The following AGBL3 variants were observed in gnomAD, a reference collection of about 807,000 sequenced individuals.
The protein encoded by AGBL3 is AGBL carboxypeptidase 3, also known as cytosolic carboxypeptidase 3.
AGBL3 carries 68 observed loss-of-function variants against 94.5 expected under a neutral mutation model. That is an observed-to-expected ratio of 0.72 (90% CI 0.59 to 0.88). The LOEUF is 0.88. Among genes scored for constraint, AGBL3 ranks in the 40% least tolerant of loss-of-function variants. The pLI, the probability that AGBL3 is intolerant of heterozygous loss-of-function variation, is 0.00. For synonymous variants in AGBL3, 354 were observed against 370.7 expected, an observed-to-expected ratio of 0.95 and a Z score of 0.52; for missense variants, 934 against 1,103.8, an observed-to-expected ratio of 0.85 and a Z score of 2.18.
chr7:135,001,839 C>A (rs974440174), intron 4 of AGBL3, among the ~76,000 whole-genome samples: 2 of 152,186 alleles, frequency 1.3e-5, no homozygotes, highest in Non-Finnish European at 2.9e-5. Context: ...CACATAATAA[C>A]TGAGAGATTG....
rs1408009020 is a variant in AGBL3 at position 135,015,641 on chromosome 7, T to G, written c.311-1411T>G. 2.7e-5 allele frequency among the ~76,000 whole-genome samples: 4 copies of G among 147,992 alleles called. No individual in the cohort carries two copies. In the East Asian group the frequency reaches 7.9e-4, roughly 29 times the overall value. On this transcript the variant is annotated intron_variant, in intron 4 of 16. Transcript: ENST00000436302. The stretch of plus-strand genomic sequence containing the variant: ...TGGTTCTTTACTAGTTATTAATAAA[T>G]AAAGAAGAGCATAAGCAGAAATTAA...
intron 8 of AGBL3, among the ~76,000 whole-genome samples, chr7:135,042,020 T>C (rs1368935203): frequency 1.3e-5 from 2 of 152,082 alleles, no homozygotes; most frequent in East Asian, 1.9e-4. Flanking sequence ...ATACTGACAA[T>C]CCCAAGTTCT....
rs750731396 is a variant in AGBL3, at chr7:135,115,537, T to C, written c.2268T>C (p.His756=). The C allele has an allele frequency of 6.4e-7, 1 of 1,551,466 alleles. No homozygotes were observed. The highest frequency in any genetic ancestry group is 1.2e-5 in the South Asian group (1 of 84,056). ...EILQYLLPIV[H]STKNMQTTQI... is the part of the protein sequence containing the mutation. ...TGCAGTATTTGCTCCCCATCGTGCA[T>C]AGCACTAAAAACATGCAAACCACTC... is the stretch of plus-strand genomic sequence containing the variant. Residue 756 remains histidine (H), a synonymous_variant, in exon 16 of 17, where the codon CAT becomes CAC. Coordinates refer to ENST00000436302, the MANE Select transcript of AGBL3 (RefSeq NM_178563.4).
chr7:135,046,167 T>C (rs919528072), intron 11 of AGBL3, among the ~76,000 whole-genome samples: 12 of 152,146 alleles, frequency 7.9e-5, no homozygotes, highest in African/African-American at 2.9e-4. Context: ...TGTTTGGTTA[T>C]TGTTTTCGTT....
At position 135,080,868 on chromosome 7, in the gene AGBL3, G is replaced by GTATA. The variant is rs150587409; in HGVS notation, c.2038+620_2038+623dup. ...AATACCTAATTTTTTATGTGTGTGTGTATATATATATATATTAATTTATTG... is the reference window on the plus strand; with the variant it reads ...AATACCTAATTTTTTATGTGTGTGTGTATATATATATATATATATTAATTTATTG... On this transcript the variant is annotated intron_variant, in intron 14 of 16. Coordinates refer to ENST00000436302, the MANE Select transcript of AGBL3 (RefSeq NM_178563.4). Among the ~76,000 whole-genome samples, 844 of 146,312 alleles carry GTATA rather than the reference G, an allele frequency of 5.8e-3. 9 individuals carry two copies. Among genetic ancestry groups the GTATA allele is most frequent in the South Asian group, 0.013 (59 of 4,656 alleles).
chr7:135,070,372 T>C (rs9656450), intron 12 of AGBL3, among the ~76,000 whole-genome samples: 73,728 of 152,006 alleles, frequency 0.49, 18,246 homozygotes, highest in South Asian at 0.66. Flanking sequence ...CTAACTCATT[T>C]TATGAGGCCA....
chr7:135,021,791 G>A (rs923269412), intron 5 of AGBL3, among the ~76,000 whole-genome samples: 2 of 151,848 alleles, frequency 1.3e-5, no homozygotes, highest in African/African-American at 4.8e-5. Flanking sequence ...ATGTACATTA[G>A]CTGTTTGTCC....
chr7:135,045,600 A>G, intron 10 of AGBL3, 26 bp downstream of exon 10: 3 of 1,524,652 alleles, frequency 2.0e-6, no homozygotes, highest in Non-Finnish European at 2.7e-6. Flanking sequence ...TTGGTAATGC[A>G]TCAGACTCCA....
chr7:135,078,173 T>C (rs182332786), intron 13 of AGBL3, among the ~76,000 whole-genome samples: 132 of 152,350 alleles, frequency 8.7e-4, no homozygotes, highest in Non-Finnish European at 8.2e-4. Context: ...TGAAGAAGTT[T>C]GACTGGATTA....
At chr7:135,120,684 G>A (rs1490548024) in intron 16 of AGBL3, among the ~76,000 whole-genome samples, 4 of 152,128 alleles carry the variant, frequency 2.6e-5, no homozygotes, top group Non-Finnish European at 4.4e-5. Context: ...CCAACAATAT[G>A]CAGTCACAAG....
At chr7:135,059,065 TA>T in intron 11 of AGBL3, 103 bp from the exon 12 acceptor site, 1 of 931,704 alleles carries the variant, frequency 1.1e-6, no homozygotes, top group Non-Finnish European at 1.6e-6. Context: ...CCACTTCTTA[TA>T]ATTAGAACTT....
At chr7:135,059,061 C>T in intron 11 of AGBL3, 108 bp from the exon 12 acceptor site, 1 of 910,148 alleles carries the variant, frequency 1.1e-6, no homozygotes, top group Non-Finnish European at 1.7e-6. Flanking sequence ...CCGGCCACTT[C>T]TTATAATTAG....
intron 15 of AGBL3, among the ~76,000 whole-genome samples, chr7:135,087,966 T>C (rs10258130): frequency 0.48 from 73,640 of 151,868 alleles, 18,220 homozygotes; most frequent in South Asian, 0.66. Flanking sequence ...TCCCTTTAGA[T>C]CTAATAATAT....
At chr7:135,129,183 G>C in intron 16 of AGBL3, 1 of 1,423,074 alleles carries the variant, frequency 7.0e-7, no homozygotes. Flanking sequence ...GATGGCAGAT[G>C]TGGTGTACTG....
chr7:135,127,325 G>C (rs945854363), intron 16 of AGBL3, among the ~76,000 whole-genome samples: 1 of 151,654 alleles, frequency 6.6e-6, no homozygotes, highest in South Asian at 2.1e-4. Context: ...GGGAGGCCAG[G>C]GTGGGTGGAT....
At chr7:135,012,816 C>A (rs1813322541) in intron 4 of AGBL3, among the ~76,000 whole-genome samples, 1 of 151,932 alleles carries the variant, frequency 6.6e-6, no homozygotes, top group Non-Finnish European at 1.5e-5. Flanking sequence ...CTAAACGAAG[C>A]TATATATAAC....
intron 12 of AGBL3, among the ~76,000 whole-genome samples, chr7:135,070,429 G>C (rs1283381061): frequency 1.3e-5 from 2 of 152,084 alleles, no homozygotes; most frequent in Non-Finnish European, 2.9e-5. Context: ...CAAAAAAAGA[G>C]AATTTTAGAC....
Position 135,034,165 on chromosome 7 carries a change from C to T in AGBL3, c.574C>T (p.Gln192Ter). ...KVVKVAEYEY[Q>*]LTVRPDLFTN... ...GTGTATTAGGGCAGAATACGAATAC[C>T]AATTGACTGTACGCCCTGACCTCTT... The change falls in exon 7 of 17, where the codon CAA (glutamine) becomes TAA (stop). Residue 192 changes from glutamine to a stop codon, truncating the protein, a stop_gained. Coordinates refer to ENST00000436302, the MANE Select transcript of AGBL3 (RefSeq NM_178563.4). LOFTEE classifies it high-confidence loss of function. 1.3e-6 allele frequency: 2 copies of T among 1,547,628 alleles called. No individual in the cohort carries two copies. The highest frequency in any genetic ancestry group is 1.7e-6 in the Non-Finnish European group (2 of 1,144,832).
At chr7:135,121,707 A>C (rs1316247052) in intron 16 of AGBL3, among the ~76,000 whole-genome samples, 1 of 152,178 alleles carries the variant, frequency 6.6e-6, no homozygotes, top group African/African-American at 2.4e-5. Context: ...TAAGCAAGGT[A>C]TCCAGGTTCT....
Sources: allele counts gnomAD v4.1 joint callset (sites outside exome capture counted in the v4.1 genomes callset), GRCh38; gene constraint gnomAD v4.1.1; transcripts MANE v1.5; gene names NCBI Gene and HGNC (gene_info 2026-07-23, HGNC 2026-07-21).